The following MAST2 variants were observed in gnomAD, a reference collection of about 807,000 sequenced individuals.
MAST2 encodes microtubule-associated serine/threonine-protein kinase 2.
In MAST2, 70 loss-of-function variants were observed where a neutral mutation model predicts 147.4. The observed-to-expected ratio is 0.47, with a 90% CI of 0.39 to 0.58. The LOEUF (loss-of-function observed/expected upper bound fraction) is 0.58, where lower values mean the gene tolerates loss of function less well. Ranked by LOEUF, MAST2 falls within the 20% of genes least tolerant of loss-of-function variation. The pLI is 0.00. For synonymous variants in MAST2, 869 were observed against 896.8 expected, an observed-to-expected ratio of 0.97 and a Z score of 0.55; for missense variants, 2,080 against 2,302.3, an observed-to-expected ratio of 0.90 and a Z score of 1.98.
chr1:46,027,906 C>T, intron 17 of MAST2, 43 bp downstream of exon 17: 2 of 1,608,906 alleles, frequency 1.2e-6, no homozygotes, highest in Non-Finnish European at 1.7e-6. Flanking sequence ...AATTCTAGGC[C>T]CTTGTCCTGG....
chr1:45,928,377 G>T (rs937498280), intron 4 of MAST2, among the ~76,000 whole-genome samples: 1 of 152,062 alleles, frequency 6.6e-6, no homozygotes, highest in Non-Finnish European at 1.5e-5. Context: ...TTTGCAGTTG[G>T]TTTTTTGGAA....
chr1:45,854,766 T>C (rs1645736022), intron 3 of MAST2, among the ~76,000 whole-genome samples: 1 of 152,160 alleles, frequency 6.6e-6, no homozygotes, highest in African/African-American at 2.4e-5. Context: ...ATAATTTAAC[T>C]CAACTCCTAT....
chr1:46,002,752 T>A (rs1645324486), intron 6 of MAST2, 53 bp from the exon 7 acceptor site: 5 of 1,522,980 alleles, frequency 3.3e-6, no homozygotes, highest in Non-Finnish European at 4.6e-6. Context: ...AGGCAGGTTG[T>A]GGGTCAGGGT....
intron 2 of MAST2, 113 bp downstream of exon 2, chr1:45,824,693 TAGAACATTTATGGTAAGG>T: frequency 9.1e-7 from 1 of 1,103,840 alleles, no homozygotes; most frequent in East Asian, 2.5e-5. Flanking sequence ...TAGTCTTGTA[TAGAACATTTATGGTAAGG>T]CTGTCTTCCT....
chr1:45,915,946 T>C (rs1158083000), intron 4 of MAST2, among the ~76,000 whole-genome samples: 1 of 152,140 alleles, frequency 6.6e-6, no homozygotes, highest in Non-Finnish European at 1.5e-5. Flanking sequence ...GAGTGAAAAT[T>C]CTTTTTGAAA....
At position 46,008,281 on chromosome 1, in the gene MAST2, T is replaced by G. The variant is rs1571185363; in HGVS notation, c.903-15T>G. 2 of 1,588,012 alleles carry G rather than the reference T, an allele frequency of 1.3e-6. No homozygotes were observed. Among genetic ancestry groups the G allele is most frequent in the East Asian group, 4.5e-5 (2 of 44,730 alleles). On this transcript the variant is annotated splice_polypyrimidine_tract_variant and intron_variant, in intron 8 of 28. Transcript: ENST00000361297. ...CATAGCACTAAAGTAACACAATCAT[T>G]TCTTTCTTTTTTAGTCCCGGACGAT... is the stretch of plus-strand genomic sequence containing the variant.
In MAST2 at chr1:45,955,223, C is replaced by T. The variant is rs142699679; in HGVS notation, c.501-4163C>T. 4.6e-5 allele frequency among the ~76,000 whole-genome samples: 7 copies of T among 152,040 alleles called. No homozygotes were observed. In the East Asian group the frequency reaches 1.3e-3, roughly 29 times the overall value. On this transcript the variant is annotated intron_variant, in intron 4 of 28. Coordinates refer to ENST00000361297, the MANE Select transcript of MAST2 (RefSeq NM_015112.3). ...TATATATTGGGGATTAGTTCCAGGA[C>T]CCACACGGATACCAAAATCTGCAGA...
rs565011906 is a variant in MAST2, at chr1:45,835,858, A to G, written c.468+6277A>G. Among the ~76,000 whole-genome samples, 3 of 152,314 alleles carry G rather than the reference A, an allele frequency of 2.0e-5. No homozygotes were observed. The South Asian group carries it at 6.2e-4, about 32-fold the overall frequency. ...TTTCATATAAATGGAATCATAAAAT[A>G]TGTGCCCTTTTGTGCCTGGCTTTTT... On this transcript the variant is annotated intron_variant, in intron 3 of 28. Transcript: ENST00000361297.
At chr1:45,939,920 A>G (rs533140978) in intron 4 of MAST2, among the ~76,000 whole-genome samples, 33 of 150,440 alleles carry the variant, frequency 2.2e-4, no homozygotes, top group African/African-American at 7.3e-4. Context: ...TTGAGGGAGA[A>G]TTGCCATCTC....
At chr1:45,961,140 C>CT (rs766395141) in intron 5 of MAST2, among the ~76,000 whole-genome samples, 4 of 152,186 alleles carry the variant, frequency 2.6e-5, no homozygotes, top group South Asian at 2.1e-4. Context: ...CACAAGCTGT[C>CT]ACTTTAGAAG....
chr1:45,941,329 G>A (rs1331530865), intron 4 of MAST2, among the ~76,000 whole-genome samples: 1 of 151,950 alleles, frequency 6.6e-6, no homozygotes, highest in Non-Finnish European at 1.5e-5. Flanking sequence ...GCGGGATCTC[G>A]GCTCACTGCA....
In MAST2 at chr1:45,939,607, C is replaced by A. The variant is rs140378900; in HGVS notation, c.501-19779C>A. On this transcript the variant is annotated intron_variant, in intron 4 of 28. Coordinates refer to ENST00000361297, the MANE Select transcript of MAST2 (RefSeq NM_015112.3). ...CCAGGCTGGAGTGCAATAGCGCGAT[C>A]TCAGCTCACTGTAACCTCTGCCTCC... Among the ~76,000 whole-genome samples the A allele has an allele frequency of 3.6e-3, 544 of 151,748 alleles. 2 individuals carry two copies. The highest frequency in any genetic ancestry group is 5.6e-3 in the Admixed American group (86 of 15,244).
chr1:45,811,399 C>T (rs1287026267), intron 1 of MAST2, among the ~76,000 whole-genome samples: 3 of 143,942 alleles, frequency 2.1e-5, no homozygotes, highest in African/African-American at 7.7e-5. Flanking sequence ...AGTGCAGTGG[C>T]GCGATCTCGG....
intron 3 of MAST2, among the ~76,000 whole-genome samples, chr1:45,850,317 TAAG>T (rs1274789637): frequency 6.6e-6 from 1 of 152,210 alleles, no homozygotes; most frequent in East Asian, 1.9e-4. Context: ...TTTAATTGTT[TAAG>T]TTCTTTATAG....
At position 45,927,206 on chromosome 1, in the gene MAST2, G is replaced by A. The variant is rs1448676836; in HGVS notation, c.501-32180G>A. On this transcript the variant is annotated intron_variant, in intron 4 of 28. Transcript: ENST00000361297. Reference sequence around the variant, plus strand: ...ATCACAAGGCAAGTGGAGGCAGGGCGAGATCACAGGACCACAGGACCGAGG... The same window carrying A: ...ATCACAAGGCAAGTGGAGGCAGGGCAAGATCACAGGACCACAGGACCGAGG... 3.3e-5 allele frequency among the ~76,000 whole-genome samples: 5 copies of A among 152,180 alleles called. No individual in the cohort carries two copies. The East Asian group carries it at 5.8e-4, about 18-fold the overall frequency.
chr1:45,908,871 C>A (rs1651206228), intron 4 of MAST2, among the ~76,000 whole-genome samples: 1 of 152,106 alleles, frequency 6.6e-6, no homozygotes, highest in Non-Finnish European at 1.5e-5. Context: ...TTTTGAGTTT[C>A]CCTTCTTTCT....
chr1:46,014,215 T>C (rs1418722082), intron 10 of MAST2, among the ~76,000 whole-genome samples: 1 of 152,022 alleles, frequency 6.6e-6, no homozygotes, highest in African/African-American at 2.4e-5. Context: ...AGGGTACATG[T>C]GCACAATGTG....
At position 46,034,098 on chromosome 1, in the gene MAST2, A is replaced by C. The variant is rs746086527; in HGVS notation, c.3700A>C (p.Lys1234Gln). The change falls in exon 28 of 29, where the codon AAG becomes CAG. Residue 1234 changes from lysine (K) to glutamine (Q), a missense_variant. Physicochemically the swap from Lys to Gln is moderately conservative, Grantham distance 53 (BLOSUM62 1). This residue lies in a region of MAST2 where 1,278 missense variants were observed against 1,304.2 expected (regional missense o/e 0.98). Transcript: ENST00000361297. Reference sequence around the variant, plus strand: ...CAGAAAAAGGAGCTCCCTGTTCCGCAAGATCACCAAGCAAGCATCCCTGCT... The same window carrying C: ...CAGAAAAAGGAGCTCCCTGTTCCGCCAGATCACCAAGCAAGCATCCCTGCT... ...ESRKRSSLFR[K>Q]ITKQASLLHT... The C allele has an allele frequency of 6.2e-7, 1 of 1,613,778 alleles. No homozygotes were observed. Among genetic ancestry groups the C allele is most frequent in the Non-Finnish European group, 8.5e-7 (1 of 1,179,818 alleles).
intron 4 of MAST2, among the ~76,000 whole-genome samples, chr1:45,903,255 G>C (rs930709052): frequency 1.4e-5 from 2 of 147,102 alleles, no homozygotes; most frequent in African/African-American, 2.5e-5. Context: ...TCAGCCTCTT[G>C]AGTAGCTGGG....
Sources: gnomAD v4.1 joint callset for allele counts (sites outside exome capture counted in the v4.1 genomes callset) on GRCh38, gnomAD v4.1.1 for gene constraint, gnomAD v4.1.1 regional missense constraint, MANE v1.5 for transcripts, NCBI Gene and HGNC (gene_info 2026-07-23, HGNC 2026-07-21) for gene names.